XKR9: variants seen among roughly 807,000 people sequenced by gnomAD.
XKR9 encodes XK-related protein 9.
In XKR9, 32 loss-of-function variants were observed where a neutral mutation model predicts 32.0. That is an observed-to-expected ratio of 1.00 (90% confidence interval 0.76 to 1.34). XKR9 has a LOEUF of 1.34. XKR9 is among the 40% of genes most tolerant of loss of function. XKR9 has a pLI of 0.00. For missense variants in XKR9, 546 were observed against 429.7 expected, an observed-to-expected ratio of 1.27 and a Z score of -2.39; for synonymous variants, 168 against 143.4, an observed-to-expected ratio of 1.17 and a Z score of -1.22.
the XKR9 span, among the ~76,000 whole-genome samples, chr8:70,815,746 C>A: frequency 6.6e-6 from 1 of 151,964 alleles, no homozygotes; most frequent in Non-Finnish European, 1.5e-5. Flanking sequence ...AGGATGGTCT[C>A]GATCTCCTGA....
intron 4 of XKR9, among the ~76,000 whole-genome samples, chr8:70,726,969 T>G (rs776770769): frequency 2.0e-5 from 3 of 151,046 alleles, no homozygotes; most frequent in Non-Finnish European, 4.4e-5. Flanking sequence ...TGGATTTTTC[T>G]GACTTCTTTT....
the XKR9 span, among the ~76,000 whole-genome samples, chr8:70,979,252 T>C: frequency 6.9e-3 from 1,051 of 152,318 alleles, 7 homozygotes; most frequent in South Asian, 0.021. Context: ...CTCGTCAAAA[T>C]CATTCTCCGT....
chr8:70,681,210 G>T lies in XKR9; in HGVS notation c.152G>T (p.Gly51Val). Residue 51 changes from glycine (G) to valine (V), a missense_variant, in exon 3 of 5, where the codon GGA (glycine) becomes GTA (valine). Gly to Val is a moderately radical substitution (Grantham distance 109). Coordinates refer to ENST00000408926, the MANE Select transcript of XKR9 (RefSeq NM_001011720.2). ...SALALSFMLFGTLVAQCFSYS... is the reference protein window; with the variant it reads ...SALALSFMLFVTLVAQCFSYS... Reference sequence around the variant, plus strand: ...TTAGCGTTAAGCTTTATGCTTTTTGGAACACTTGTGGCTCAGTGTTTTAGT... The same window carrying T: ...TTAGCGTTAAGCTTTATGCTTTTTGTAACACTTGTGGCTCAGTGTTTTAGT... The T allele has an allele frequency of 6.2e-7, 1 of 1,613,496 alleles. No individual in the cohort carries two copies. Among genetic ancestry groups the T allele is most frequent in the Non-Finnish European group, 8.5e-7 (1 of 1,179,602 alleles).
chr8:70,809,898 T>A, the XKR9 span, among the ~76,000 whole-genome samples: 1 of 152,156 alleles, frequency 6.6e-6, no homozygotes, highest in South Asian at 2.1e-4. Flanking sequence ...TTCCCCAATC[T>A]AGCAAGGCAG....
At chr8:71,009,425 G>A in the XKR9 span, among the ~76,000 whole-genome samples, 2 of 152,178 alleles carry the variant, frequency 1.3e-5, no homozygotes, top group Non-Finnish European at 2.9e-5. Context: ...GTCCAGGGAA[G>A]CCAAAAGATT....
chr8:70,958,252 C>T, the XKR9 span, among the ~76,000 whole-genome samples: 1 of 152,168 alleles, frequency 6.6e-6, no homozygotes, highest in Non-Finnish European at 1.5e-5. Context: ...GTATTTCTGC[C>T]TCTCAATCTT....
At chr8:70,728,080 T>C (rs1015031325) in intron 4 of XKR9, among the ~76,000 whole-genome samples, 2 of 152,180 alleles carry the variant, frequency 1.3e-5, no homozygotes, top group African/African-American at 4.8e-5. Flanking sequence ...CTGTTATCTT[T>C]TTTTAAACTA....
chr8:71,039,117 T>G, the XKR9 span, among the ~76,000 whole-genome samples: 3 of 152,218 alleles, frequency 2.0e-5, no homozygotes, highest in South Asian at 6.2e-4. Flanking sequence ...GATGCTGATT[T>G]TAACAATCAG....
the XKR9 span, among the ~76,000 whole-genome samples, chr8:70,960,923 A>T: frequency 6.6e-6 from 1 of 151,866 alleles, no homozygotes; most frequent in Non-Finnish European, 1.5e-5. Flanking sequence ...AATCTCCAGC[A>T]TTTTGGGAGG....
At chr8:70,933,164 T>C in the XKR9 span, among the ~76,000 whole-genome samples, 1 of 152,088 alleles carries the variant, frequency 6.6e-6, no homozygotes, top group Non-Finnish European at 1.5e-5. Flanking sequence ...TCCTCTATTA[T>C]TGAAGAGAGA....
At chr8:70,684,726 C>CA (rs1400628386) in intron 3 of XKR9, among the ~76,000 whole-genome samples, 1 of 145,460 alleles carries the variant, frequency 6.9e-6, no homozygotes, top group Non-Finnish European at 1.5e-5. Flanking sequence ...TTTATGCAGC[C>CA]AAAAAACACA....
chr8:71,065,730 G>T, the XKR9 span, among the ~76,000 whole-genome samples: 1 of 152,162 alleles, frequency 6.6e-6, no homozygotes, highest in Non-Finnish European at 1.5e-5. Flanking sequence ...ATCTTGTCTT[G>T]GGCAAGCTGT....
At chr8:70,845,446 A>T in the XKR9 span, among the ~76,000 whole-genome samples, 2 of 152,242 alleles carry the variant, frequency 1.3e-5, no homozygotes, top group South Asian at 2.1e-4. Flanking sequence ...CCAACAAAAA[A>T]GAAATTTATA....
intron 2 of XKR9, among the ~76,000 whole-genome samples, chr8:70,741,255 C>G (rs930683500): frequency 2.0e-4 from 30 of 152,174 alleles, no homozygotes; most frequent in Admixed American, 1.8e-3. Flanking sequence ...CATGATGGGA[C>G]TGGTGGTTTT....
At chr8:70,910,306 G>A in the XKR9 span, among the ~76,000 whole-genome samples, 1 of 152,092 alleles carries the variant, frequency 6.6e-6, no homozygotes, top group South Asian at 2.1e-4. Flanking sequence ...GCAATTATAT[G>A]TTGTTGTGGA....
At chr8:71,043,949 A>T in the XKR9 span, among the ~76,000 whole-genome samples, 4 of 152,178 alleles carry the variant, frequency 2.6e-5, no homozygotes, top group Non-Finnish European at 5.9e-5. Flanking sequence ...AGAATTATTT[A>T]AAAAATGGCT....
chr8:70,916,165 A>G, the XKR9 span, among the ~76,000 whole-genome samples: 1 of 152,158 alleles, frequency 6.6e-6, no homozygotes, highest in Non-Finnish European at 1.5e-5. Flanking sequence ...AATTGTCTAC[A>G]TTCCCTATTT....
chr8:70,829,489 C>T, the XKR9 span, among the ~76,000 whole-genome samples: 1 of 152,200 alleles, frequency 6.6e-6, no homozygotes, highest in Non-Finnish European at 1.5e-5. Context: ...CGCCCTGTCT[C>T]CCAGGCTGGA....
the XKR9 span, among the ~76,000 whole-genome samples, chr8:70,808,931 AG>A: frequency 6.6e-6 from 1 of 152,236 alleles, no homozygotes; most frequent in Non-Finnish European, 1.5e-5. Context: ...CCTGTCTGAC[AG>A]CTTTGAAGAG....
Sources: gnomAD v4.1 joint callset for allele counts (sites outside exome capture counted in the v4.1 genomes callset) on GRCh38, gnomAD v4.1.1 for gene constraint, MANE v1.5 for transcripts, NCBI Gene and HGNC (gene_info 2026-07-23, HGNC 2026-07-21) for gene names.